ZNF133: variants seen among roughly 807,000 people sequenced by gnomAD.
ZNF133 encodes the protein zinc finger protein 133, also known as zinc finger protein 133 (clone pHZ-13).
In ZNF133, 26 loss-of-function variants were observed where a neutral mutation model predicts 54.9. The ratio of observed to expected loss-of-function variants is 0.47; its 90% CI spans 0.35 to 0.66. The LOEUF (loss-of-function observed/expected upper bound fraction) is 0.66. ZNF133 is among the 30% of genes least tolerant of loss of function. ZNF133 has a pLI of 0.01. For missense variants in ZNF133, 653 were observed against 820.8 expected, an observed-to-expected ratio of 0.80 and a Z score of 2.50; for synonymous variants, 298 against 320.3, an observed-to-expected ratio of 0.93 and a Z score of 0.74.
At chr20:18,294,358 T>G (rs1261007823) in intron 1 of ZNF133, among the ~76,000 whole-genome samples, 1 of 152,080 alleles carries the variant, frequency 6.6e-6, no homozygotes, top group Non-Finnish European at 1.5e-5. Flanking sequence ...TGTCACAGAT[T>G]GGAGGAGGTT....
chr20:18,297,957 C>G, intron 1 of ZNF133, 28 bp from the exon 2 acceptor site: 1 of 1,452,988 alleles, frequency 6.9e-7, no homozygotes, highest in East Asian at 2.5e-5. Context: ...CTACCTGACA[C>G]CCTCCCATTT....
rs1186986922 is a variant in ZNF133, at chr20:18,316,226, A to G, written c.1375A>G (p.Ile459Val). The G allele has an allele frequency of 6.2e-7, 1 of 1,607,880 alleles. No individual in the cohort carries two copies. Among genetic ancestry groups the G allele is most frequent in the East Asian group, 2.2e-5 (1 of 44,754 alleles). Residue 459 changes from isoleucine (I) to valine (V), a missense_variant, in exon 7 of 7, where the codon ATA (isoleucine) becomes GTA (valine). This residue lies in a region of ZNF133 where 292 missense variants were observed against 431.6 expected (regional missense o/e 0.68). Coordinates refer to ENST00000425686, the MANE Select transcript of ZNF133 (RefSeq NM_001352452.2). ...GTCACACCTCAACAGACACCAGAAC[A>G]TACACTCAGGAGAGAAGCCCATTGT... ...LKSHLNRHQN[I>V]HSGEKPIVCK...
chr20:18,315,693 G>A lies in ZNF133; in HGVS notation c.842G>A (p.Arg281Gln), dbSNP rs763135742. The A allele has an allele frequency of 6.2e-6, 10 of 1,612,988 alleles. No homozygotes were observed. The highest frequency in any genetic ancestry group is 4.5e-5 in the East Asian group (2 of 44,844). Residue 281 changes from arginine (R) to glutamine (Q), a missense_variant, in exon 7 of 7, where the codon CGG (arginine) becomes CAG (glutamine). Physicochemically the swap from Arg to Gln is conservative, Grantham distance 43 (BLOSUM62 1). Transcript: ENST00000425686. ...AGGGAGTGTGGACGAGGCTTTAACC[G>A]GAAGTCAACGCTAATCATACACGAA... Reference protein sequence around the residue: ...VCRECGRGFNRKSTLIIHERT... With the variant: ...VCRECGRGFNQKSTLIIHERT...
intron 6 of ZNF133, chr20:18,313,238 T>C (rs1001644540): frequency 3.9e-5 from 6 of 152,212 alleles, no homozygotes; most frequent in African/African-American, 1.4e-4. Flanking sequence ...AACTGACTAA[T>C]GGAGAATTAA....
chr20:18,288,993 G>A (rs999347195), intron 1 of ZNF133, among the ~76,000 whole-genome samples: 5 of 152,260 alleles, frequency 3.3e-5, no homozygotes, highest in Admixed American at 3.3e-4. Context: ...CTTTTTGGGG[G>A]AATGGTATTT....
intron 3 of ZNF133, among the ~76,000 whole-genome samples, chr20:18,302,395 ACT>A (rs1291617865): frequency 1.5e-5 from 2 of 134,878 alleles, no homozygotes; most frequent in South Asian, 5.6e-4. Context: ...AAGAGCAAAA[ACT>A]CTGTCTCAAA....
At chr20:18,292,149 C>T (rs1462717938) in intron 1 of ZNF133, among the ~76,000 whole-genome samples, 1 of 152,226 alleles carries the variant, frequency 6.6e-6, no homozygotes, top group Non-Finnish European at 1.5e-5. Context: ...ACCGTCTCAT[C>T]TGGACGATCA....
At position 18,315,543 on chromosome 20, in the gene ZNF133, G is replaced by A. The variant is rs752794902; in HGVS notation, c.692G>A (p.Ser231Asn). 1 of 1,614,210 alleles carries A rather than the reference G, an allele frequency of 6.2e-7. No homozygotes were observed. The highest frequency in any genetic ancestry group is 1.1e-5 in the South Asian group (1 of 91,084). The change falls in exon 7 of 7, where the codon AGT becomes AAT. Residue 231 changes from serine to asparagine, a missense_variant. By Grantham distance (46) the Ser-to-Asn change is conservative. This residue lies in a region of ZNF133 where 292 missense variants were observed against 431.6 expected (regional missense o/e 0.68). Coordinates refer to ENST00000425686, the MANE Select transcript of ZNF133 (RefSeq NM_001352452.2). ...LSFSKMTNLLSHQRIHSGEKP... is the reference protein window; with the variant it reads ...LSFSKMTNLLNHQRIHSGEKP... ...TTCAGCAAGATGACAAACCTGCTCA[G>A]TCACCAGCGGATACACTCAGGGGAG...
At chr20:18,309,680 A>G (rs923940388) in intron 6 of ZNF133, among the ~76,000 whole-genome samples, 1 of 152,150 alleles carries the variant, frequency 6.6e-6, no homozygotes, top group East Asian at 1.9e-4. Context: ...AGAGGATGTG[A>G]GGCTGGTAGG....
rs1212815660 is a variant in ZNF133, at chr20:18,316,919, T to G, written c.*103T>G. On this transcript the variant is annotated 3_prime_UTR_variant, in exon 7 of 7. Coordinates refer to ENST00000425686, the MANE Select transcript of ZNF133 (RefSeq NM_001352452.2). ...AGTGGTCAAAGGACATTTGACTGTTTACTTTCTCCACACTAAGTCTTCTCC... is the reference window on the plus strand; with the variant it reads ...AGTGGTCAAAGGACATTTGACTGTTGACTTTCTCCACACTAAGTCTTCTCC... The G allele has an allele frequency of 2.9e-6, 4 of 1,366,424 alleles. No homozygotes were observed. In the African/African-American group the frequency reaches 5.8e-5, roughly 20 times the overall value. 84.6% of individuals were successfully genotyped at this position (1,366,424 alleles called of 1,614,324 possible).
chr20:18,310,509 G>A (rs918471052), intron 6 of ZNF133, among the ~76,000 whole-genome samples: 3 of 152,192 alleles, frequency 2.0e-5, no homozygotes, highest in African/African-American at 7.2e-5. Context: ...GTTATGTTAA[G>A]TGAAATGAGC....
intron 2 of ZNF133, 87 bp from the exon 3 acceptor site, chr20:18,298,202 C>A: frequency 6.6e-7 from 1 of 1,507,186 alleles, no homozygotes; most frequent in Admixed American, 2.0e-5. Context: ...TCACTTTCTG[C>A]AAAACCCATG....
At chr20:18,314,120 A>G (rs2046794154) in intron 6 of ZNF133, 1 of 152,204 alleles carries the variant, frequency 6.6e-6, no homozygotes, top group African/African-American at 2.4e-5. Flanking sequence ...GAAAAGTAGC[A>G]TTTCGCGTAG....
In ZNF133 at chr20:18,305,872, A is replaced by G. The variant is rs1471123954; in HGVS notation, c.121+65A>G. On this transcript the variant is annotated intron_variant, in intron 5 of 6. Transcript: ENST00000425686. This position sits in a 1 kb window ranked among gnomAD's most constrained non-coding sequence, Gnocchi z 4.7. ...GGGAATTTTAGGCTATGCTTGAAGC[A>G]GCCATCTTGCTTTGTTACTTGACCT... 3.2e-6 allele frequency: 5 copies of G among 1,554,514 alleles called. No individual in the cohort carries two copies. Among genetic ancestry groups the G allele is most frequent in the Non-Finnish European group, 4.4e-6 (5 of 1,148,542 alleles).
intron 1 of ZNF133, among the ~76,000 whole-genome samples, chr20:18,294,599 G>A (rs780954822): frequency 7.4e-6 from 1 of 135,022 alleles, no homozygotes; most frequent in Non-Finnish European, 1.7e-5. Context: ...TTCCTTGTAA[G>A]TCTAAAATTT....
rs1568810847 is a variant in ZNF133, at chr20:18,315,756, A to C, written c.905A>C (p.Glu302Ala). The C allele has an allele frequency of 2.5e-6, 4 of 1,614,154 alleles. No homozygotes were observed. The highest frequency in any genetic ancestry group is 3.4e-6 in the Non-Finnish European group (4 of 1,180,010). Reference protein sequence around the residue: ...HSGEKPYMCSECGRGFSQKSN... With the variant: ...HSGEKPYMCSACGRGFSQKSN... ...GGTGAGAAACCTTACATGTGCAGTG[A>C]GTGTGGGCGAGGCTTCAGCCAGAAG... Residue 302 changes from glutamate (E) to alanine (A), a missense_variant, in exon 7 of 7, where the codon GAG becomes GCG. By Grantham distance (107) the Glu-to-Ala change is moderately radical (BLOSUM62 -1). This residue lies in a region of ZNF133 where 292 missense variants were observed against 431.6 expected (regional missense o/e 0.68). Transcript: ENST00000425686.
chr20:18,313,744 C>T (rs1005959839), intron 6 of ZNF133: 11 of 152,146 alleles, frequency 7.2e-5, no homozygotes, highest in African/African-American at 2.7e-4. Flanking sequence ...CTAGATTAAA[C>T]CAAATAAACT....
intron 3 of ZNF133, among the ~76,000 whole-genome samples, chr20:18,303,918 A>G (rs1339479894): frequency 1.3e-5 from 2 of 152,228 alleles, no homozygotes. Context: ...AAACATAGGC[A>G]ATAAAAGAAA....
In ZNF133 at chr20:18,305,866, T is replaced by C. The variant is rs1026632281; in HGVS notation, c.121+59T>C. ...ATTGCTGGGAATTTTAGGCTATGCTTGAAGCAGCCATCTTGCTTTGTTACT... is the reference window on the plus strand; with the variant it reads ...ATTGCTGGGAATTTTAGGCTATGCTCGAAGCAGCCATCTTGCTTTGTTACT... On this transcript the variant is annotated intron_variant, in intron 5 of 6. Coordinates refer to ENST00000425686, the MANE Select transcript of ZNF133 (RefSeq NM_001352452.2). The surrounding 1 kb of genome is among the most constrained non-coding windows in gnomAD (Gnocchi z 4.7). 1.4e-5 allele frequency: 22 copies of C among 1,560,918 alleles called. No homozygotes were observed. The African/African-American group carries it at 2.7e-4, about 19-fold the overall frequency.
Sources: allele counts gnomAD v4.1 joint callset (sites outside exome capture counted in the v4.1 genomes callset), GRCh38; gene constraint gnomAD v4.1.1; regional missense constraint gnomAD v4.1.1; non-coding constraint Gnocchi (gnomAD v3.1); transcripts MANE v1.5; gene names NCBI Gene and HGNC (gene_info 2026-07-23, HGNC 2026-07-21).